Variants in DOCK2 observed in about 807,000 individuals in gnomAD.
DOCK2 encodes the protein dedicator of cytokinesis protein 2.
A neutral mutation model predicts 248.9 loss-of-function variants in DOCK2; 87 were observed. The ratio of observed to expected loss-of-function variants is 0.35; its 90% confidence interval spans 0.29 to 0.42. The LOEUF (loss-of-function observed/expected upper bound fraction) is 0.42, where lower values mean the gene tolerates loss of function less well. Among genes scored for constraint, DOCK2 ranks in the 10% least tolerant of loss-of-function variants. The probability of loss-of-function intolerance (pLI) is 1.00; values close to 1 mark genes in which losing one functional copy is unlikely to be tolerated. For missense variants in DOCK2, 1,747 were observed against 2,300.2 expected (o/e 0.76, Z 4.92); for synonymous variants, 805 against 821.6 (o/e 0.98, Z 0.35).
At chr5:169,638,380 A>T (rs80121821) in intron 1 of DOCK2, among the ~76,000 whole-genome samples, 7,423 of 152,208 alleles carry the variant, frequency 0.049, 326 homozygotes, top group African/African-American at 0.11. Flanking sequence ...AACAAATAAT[A>T]ATTCATATCT....
At chr5:169,823,770 G>A (rs1436049285) in intron 26 of DOCK2, among the ~76,000 whole-genome samples, 5 of 152,158 alleles carry the variant, frequency 3.3e-5, no homozygotes, top group Non-Finnish European at 7.3e-5. Flanking sequence ...TTTCTGGCCA[G>A]GGCAATCAGA....
At chr5:169,844,736 CTT>C (rs5873195) in intron 27 of DOCK2, among the ~76,000 whole-genome samples, 1 of 146,228 alleles carries the variant, frequency 6.8e-6, no homozygotes, top group Non-Finnish European at 1.5e-5. Flanking sequence ...TGCTCTGCCT[CTT>C]TTTTTTTTTT....
chr5:169,793,838 C>T (rs2113080453), intron 25 of DOCK2, among the ~76,000 whole-genome samples: 1 of 152,270 alleles, frequency 6.6e-6, no homozygotes. Flanking sequence ...CACCCCAGAG[C>T]CTTTCCATGC....
At chr5:170,037,480 AT>A (rs370462327) in intron 36 of DOCK2, among the ~76,000 whole-genome samples, 2,251 of 134,444 alleles carry the variant, frequency 0.017, 51 homozygotes, top group African/African-American at 0.049. Flanking sequence ...ACAAAAACAA[AT>A]TTTTTTTTTT....
At chr5:169,812,871 C>T (rs1283516942) in intron 26 of DOCK2, among the ~76,000 whole-genome samples, 2 of 152,240 alleles carry the variant, frequency 1.3e-5, no homozygotes, top group African/African-American at 2.4e-5. Context: ...CTCTGTAGCC[C>T]CATTAGTATT....
chr5:170,078,956 T>C lies in DOCK2; in HGVS notation c.4995-19T>C, dbSNP rs770960056. ...AAGCTCTAACTGCAGTTTCTATTGCTGCCCCTCTGGCCTTTCAGCTTTGAC... is the reference window on the plus strand; with the variant it reads ...AAGCTCTAACTGCAGTTTCTATTGCCGCCCCTCTGGCCTTTCAGCTTTGAC... On this transcript the variant is annotated intron_variant, in intron 48 of 51. Transcript: ENST00000520908. 1.3e-5 allele frequency: 21 copies of C among 1,612,646 alleles called. No homozygotes were observed. The East Asian group carries it at 1.8e-4, about 14-fold the overall frequency.
At chr5:170,011,184 T>C (rs922614996) in intron 32 of DOCK2, among the ~76,000 whole-genome samples, 2 of 152,186 alleles carry the variant, frequency 1.3e-5, no homozygotes, top group African/African-American at 4.8e-5. Flanking sequence ...CCAGAGCCCA[T>C]TATAACAAGC....
intron 26 of DOCK2, among the ~76,000 whole-genome samples, chr5:169,822,763 A>T (rs1479992571): frequency 1.3e-5 from 2 of 152,348 alleles, no homozygotes; most frequent in East Asian, 3.9e-4. Context: ...AGAAATAACT[A>T]AGATCAGAGC....
intron 27 of DOCK2, among the ~76,000 whole-genome samples, chr5:169,942,367 A>G (rs1776276324): frequency 6.6e-6 from 1 of 152,196 alleles, no homozygotes; most frequent in Non-Finnish European, 1.5e-5. Context: ...AGGAGGAGAA[A>G]TATGTAAAGA....
chr5:169,664,787 T>A (rs1473261370), intron 2 of DOCK2, among the ~76,000 whole-genome samples: 2 of 152,124 alleles, frequency 1.3e-5, no homozygotes, highest in African/African-American at 4.8e-5. Context: ...CATAAGGGGA[T>A]TAAAATTTGG....
At chr5:169,990,865 G>A (rs116694090) in intron 29 of DOCK2, among the ~76,000 whole-genome samples, 1,659 of 152,320 alleles carry the variant, frequency 0.011, 18 homozygotes, top group Non-Finnish European at 0.015. Flanking sequence ...CATGGTCCAC[G>A]CTGTGTTGTC....
At chr5:169,668,388 G>A (rs569452423) in intron 2 of DOCK2, among the ~76,000 whole-genome samples, 4 of 152,206 alleles carry the variant, frequency 2.6e-5, no homozygotes, top group Admixed American at 2.6e-4. Context: ...GGACCTGGCC[G>A]TCAGGCTGGC....
chr5:169,871,780 A>G (rs1359436863), intron 27 of DOCK2, among the ~76,000 whole-genome samples: 3 of 152,182 alleles, frequency 2.0e-5, no homozygotes, highest in Non-Finnish European at 4.4e-5. Flanking sequence ...GACCTAAACT[A>G]GGGCTGGGGT....
At chr5:169,849,473 G>A (rs140618458) in intron 27 of DOCK2, among the ~76,000 whole-genome samples, 1 of 152,216 alleles carries the variant, frequency 6.6e-6, no homozygotes, top group Admixed American at 6.5e-5. Flanking sequence ...TAATAATTGA[G>A]CACTTTGAAC....
At chr5:170,063,931 T>C (rs1028888063) in intron 44 of DOCK2, among the ~76,000 whole-genome samples, 1 of 152,100 alleles carries the variant, frequency 6.6e-6, no homozygotes, top group Non-Finnish European at 1.5e-5. Context: ...AGCTTCACCA[T>C]GAAGATGGAA....
At chr5:169,882,467 C>G in intron 27 of DOCK2, 1 of 1,183,190 alleles carries the variant, frequency 8.5e-7, no homozygotes, top group Non-Finnish European at 1.2e-6. Context: ...GACATTTTTA[C>G]TAAAAGAAAC....
chr5:169,814,163 G>A (rs1767921440), intron 26 of DOCK2, among the ~76,000 whole-genome samples: 1 of 152,192 alleles, frequency 6.6e-6, no homozygotes, highest in African/African-American at 2.4e-5. Flanking sequence ...GCTTTACAGT[G>A]GAGACAACTG....
intron 27 of DOCK2, among the ~76,000 whole-genome samples, chr5:169,866,523 C>T (rs958781403): frequency 5.9e-5 from 9 of 152,234 alleles, no homozygotes; most frequent in Non-Finnish European, 5.9e-5. Context: ...AGTCACTCGA[C>T]AAACATTTAT....
At chr5:169,673,338 G>A (rs953019988) in intron 5 of DOCK2, among the ~76,000 whole-genome samples, 1 of 151,974 alleles carries the variant, frequency 6.6e-6, no homozygotes, top group Non-Finnish European at 1.5e-5. Context: ...GTCATTGCAG[G>A]AGTTTTAGGA....
Sources: allele counts gnomAD v4.1 joint callset (sites outside exome capture counted in the v4.1 genomes callset), GRCh38; gene constraint gnomAD v4.1.1; transcripts MANE v1.5; gene names NCBI Gene and HGNC (gene_info 2026-07-23, HGNC 2026-07-21).